The following RELL1 variants were observed in gnomAD, a reference collection of about 807,000 sequenced individuals.
The protein encoded by RELL1 is RELT-like protein 1.
Under a neutral mutation model 23.0 loss-of-function variants are expected in RELL1, and 10 were observed. That is an observed-to-expected ratio of 0.43 (90% confidence interval 0.27 to 0.74). The LOEUF is 0.74. Among genes scored for constraint, RELL1 ranks in the 30% least tolerant of loss-of-function variants. The pLI, the probability that RELL1 is intolerant of heterozygous loss-of-function variation, is 0.19. For missense variants in RELL1, 315 were observed against 364.4 expected, an observed-to-expected ratio of 0.86 and a Z score of 1.10; for synonymous variants, 146 against 146.8, an observed-to-expected ratio of 0.99 and a Z score of 0.04.
At chr4:37,596,721 TA>T (rs1459350191) in intron 6 of RELL1, among the ~76,000 whole-genome samples, 2 of 12,888 alleles carry the variant, frequency 1.6e-4, no homozygotes, top group Non-Finnish European at 5.8e-4. Flanking sequence ...TATATATATA[TA>T]TATATATATA....
At chr4:37,681,635 T>G (rs916094334) in intron 1 of RELL1, among the ~76,000 whole-genome samples, 1 of 150,214 alleles carries the variant, frequency 6.7e-6, no homozygotes, top group African/African-American at 2.4e-5. Flanking sequence ...TTCGAGTGAT[T>G]CTCCTGCCTC....
intron 2 of RELL1, among the ~76,000 whole-genome samples, chr4:37,648,316 A>G (rs752603580): frequency 6.6e-6 from 1 of 152,232 alleles, no homozygotes; most frequent in Non-Finnish European, 1.5e-5. Flanking sequence ...TACATGACTC[A>G]TCATGCAATC....
At chr4:37,675,377 A>G (rs1366520722) in intron 1 of RELL1, among the ~76,000 whole-genome samples, 1 of 152,236 alleles carries the variant, frequency 6.6e-6, no homozygotes, top group African/African-American at 2.4e-5. Context: ...CTTGAGCAAG[A>G]AATTCCCCTT....
In RELL1 at chr4:37,685,719, A is replaced by C. The variant is rs368908183; in HGVS notation, c.88+481T>G. Among the ~76,000 whole-genome samples, 100 of 152,382 alleles carry C rather than the reference A, an allele frequency of 6.6e-4. 4 individuals are homozygous for C. In the East Asian group the frequency reaches 0.017, roughly 26 times the overall value. Reference sequence around the variant, plus strand: ...CCACCCAAATAAATGGAAACGTGGAAAGAGATTCAAAGTCCTCCAGGTTTT... The same window carrying C: ...CCACCCAAATAAATGGAAACGTGGACAGAGATTCAAAGTCCTCCAGGTTTT... On this transcript the variant is annotated intron_variant, in intron 1 of 6. Transcript: ENST00000454158.
At chr4:37,659,256 T>C (rs1352131464) in intron 1 of RELL1, among the ~76,000 whole-genome samples, 1 of 152,182 alleles carries the variant, frequency 6.6e-6, no homozygotes, top group Non-Finnish European at 1.5e-5. Flanking sequence ...GAGGACCCAC[T>C]AGGTATGTGT....
chr4:37,590,891 C>G, exon 7 of RELL1: 1 of 1,614,124 alleles, frequency 6.2e-7, no homozygotes, highest in South Asian at 1.1e-5. Flanking sequence ...ACCCATGGCT[C>G]CGATGGAGAT....
chr4:37,670,258 T>C (rs1303782235), intron 1 of RELL1, among the ~76,000 whole-genome samples: 1 of 152,002 alleles, frequency 6.6e-6, no homozygotes, highest in Admixed American at 6.6e-5. Flanking sequence ...CCATCATTAC[T>C]ATAAGGTTGA....
intron 1 of RELL1, among the ~76,000 whole-genome samples, chr4:37,659,388 A>C (rs956162005): frequency 6.6e-6 from 1 of 152,226 alleles, no homozygotes. Context: ...AGTCAAAAGC[A>C]ATTTTCTAGC....
At chr4:37,650,126 C>T (rs1720860632) in intron 1 of RELL1, among the ~76,000 whole-genome samples, 1 of 152,192 alleles carries the variant, frequency 6.6e-6, no homozygotes. Context: ...AGCAAATATT[C>T]ACCCACATGC....
rs1243955170 is a variant in RELL1 at position 37,686,058 on chromosome 4, C to T, written c.88+142G>A. On this transcript the variant is annotated intron_variant, in intron 1 of 6. Coordinates refer to ENST00000454158, the MANE Select transcript of RELL1 (RefSeq NM_001085400.2). Reference sequence around the variant, plus strand: ...GCGCCCTGCCCGGACCGCCGCGGGACAGCCAGTTGTTCAGTGCCGGGATCC... The same window carrying T: ...GCGCCCTGCCCGGACCGCCGCGGGATAGCCAGTTGTTCAGTGCCGGGATCC... 4.3e-6 allele frequency: 3 copies of T among 697,708 alleles called. No homozygotes were observed. In the African/African-American group the frequency reaches 5.7e-5, roughly 13 times the overall value. The allele number at this position is 697,708 out of a possible 1,614,324, so 43.2% of individuals were successfully genotyped here. A position where few individuals can be genotyped will look rare whatever the true frequency, so the allele number is the denominator to read the frequency against.
intron 6 of RELL1, among the ~76,000 whole-genome samples, chr4:37,617,744 CT>C (rs1454654143): frequency 6.6e-6 from 1 of 152,220 alleles, no homozygotes; most frequent in African/African-American, 2.4e-5. Context: ...GATTGCACCA[CT>C]GTACTCCAGC....
chr4:37,617,525 A>G (rs1299284500), intron 6 of RELL1, among the ~76,000 whole-genome samples: 1 of 152,318 alleles, frequency 6.6e-6, no homozygotes, highest in South Asian at 2.1e-4. Context: ...GCTCATGCCT[A>G]TAATCCCAGC....
intron 6 of RELL1, among the ~76,000 whole-genome samples, chr4:37,630,587 G>A (rs1039066130): frequency 6.6e-5 from 10 of 151,726 alleles, no homozygotes; most frequent in Admixed American, 4.6e-4. Flanking sequence ...GGATTGTCTC[G>A]ATCTCCTGAC....
At chr4:37,591,516 C>T (rs1310465824) in intron 6 of RELL1, 2 of 152,648 alleles carry the variant, frequency 1.3e-5, no homozygotes, top group Non-Finnish European at 2.9e-5. Context: ...GGACAATCAC[C>T]CAGGGAACTA....
intron 1 of RELL1, among the ~76,000 whole-genome samples, chr4:37,679,446 C>T (rs1722132881): frequency 6.6e-6 from 1 of 152,156 alleles, no homozygotes; most frequent in South Asian, 2.1e-4. Flanking sequence ...TGCCTCCTAA[C>T]AGACACAAAT....
At chr4:37,630,399 C>T (rs1720088700) in intron 6 of RELL1, among the ~76,000 whole-genome samples, 1 of 121,292 alleles carries the variant, frequency 8.2e-6, no homozygotes, top group Non-Finnish European at 1.6e-5. Context: ...GAGTCTCGCT[C>T]TGTCGCCCAG....
At chr4:37,673,373 G>A (rs1412791128) in intron 1 of RELL1, among the ~76,000 whole-genome samples, 3 of 151,256 alleles carry the variant, frequency 2.0e-5, no homozygotes, top group Admixed American at 6.6e-5. Flanking sequence ...TCCTATTTTT[G>A]TAGAGACGGG....
At chr4:37,651,475 C>T (rs1678470468) in intron 1 of RELL1, among the ~76,000 whole-genome samples, 5 of 152,184 alleles carry the variant, frequency 3.3e-5, no homozygotes, top group Non-Finnish European at 5.9e-5. Context: ...CTCAAGAAAC[C>T]CAGAAATTGG....
chr4:37,670,708 C>T (rs965876527), intron 1 of RELL1, among the ~76,000 whole-genome samples: 1 of 151,418 alleles, frequency 6.6e-6, no homozygotes, highest in Non-Finnish European at 1.5e-5. Flanking sequence ...GTAGCTGGGA[C>T]TACAGGCACG....
Sources: gnomAD v4.1 joint callset for allele counts (sites outside exome capture counted in the v4.1 genomes callset) on GRCh38, gnomAD v4.1.1 for gene constraint, MANE v1.5 for transcripts, NCBI Gene and HGNC (gene_info 2026-07-23, HGNC 2026-07-21) for gene names.